MARCHF1: variants seen among roughly 807,000 people sequenced by gnomAD.
MARCHF1 encodes E3 ubiquitin-protein ligase MARCHF1.
Under a neutral mutation model 54.2 loss-of-function variants are expected in MARCHF1, and 40 were observed. The ratio of observed to expected loss-of-function variants is 0.74; its 90% CI spans 0.57 to 0.96. The LOEUF (loss-of-function observed/expected upper bound fraction) is 0.96, where lower values mean the gene tolerates loss of function less well. MARCHF1 is among the 40% of genes least tolerant of loss of function. MARCHF1 has a pLI of 0.00. For synonymous variants in MARCHF1, 236 were observed against 236.3 expected, an observed-to-expected ratio of 1.00 and a Z score of 0.01; for missense variants, 586 against 656.5, an observed-to-expected ratio of 0.89 and a Z score of 1.17.
intron 8 of MARCHF1, among the ~76,000 whole-genome samples, chr4:163,550,625 G>T (rs1235860667): frequency 4.0e-5 from 6 of 151,754 alleles, no homozygotes. Context: ...TACTGGCTCT[G>T]CCTGTCATAT....
intron 2 of MARCHF1, among the ~76,000 whole-genome samples, chr4:164,077,200 G>T (rs2111105021): frequency 6.6e-6 from 1 of 152,252 alleles, no homozygotes; most frequent in African/African-American, 2.4e-5. Context: ...CAATGGAACA[G>T]AACAGAGTCT....
At chr4:164,249,982 G>A (rs1468177960) in intron 1 of MARCHF1, among the ~76,000 whole-genome samples, 2 of 152,072 alleles carry the variant, frequency 1.3e-5, no homozygotes, top group African/African-American at 2.4e-5. Context: ...CATATTACTG[G>A]TTTTATCCTA....
At chr4:163,548,108 C>T (rs1738972458) in intron 8 of MARCHF1, among the ~76,000 whole-genome samples, 1 of 151,942 alleles carries the variant, frequency 6.6e-6, no homozygotes. Flanking sequence ...TTTAAAAATC[C>T]TGTTTTGGCT....
At chr4:164,178,618 G>A (rs1343057574) in intron 1 of MARCHF1, among the ~76,000 whole-genome samples, 1 of 152,148 alleles carries the variant, frequency 6.6e-6, no homozygotes, top group African/African-American at 2.4e-5. Flanking sequence ...AAATCACTGA[G>A]TACTGATGGT....
intron 4 of MARCHF1, among the ~76,000 whole-genome samples, chr4:163,779,193 C>A (rs1217837943): frequency 6.6e-6 from 1 of 152,114 alleles, no homozygotes; most frequent in Admixed American, 6.5e-5. Context: ...TAAAATCTCT[C>A]CTTCTGTCTT....
At chr4:163,645,653 T>A (rs901008878) in intron 5 of MARCHF1, among the ~76,000 whole-genome samples, 2 of 152,014 alleles carry the variant, frequency 1.3e-5, no homozygotes, top group African/African-American at 4.8e-5. Context: ...CAATGAGAAG[T>A]TTAATAAAGA....
At chr4:163,822,196 T>C (rs903209294) in intron 4 of MARCHF1, among the ~76,000 whole-genome samples, 1 of 152,050 alleles carries the variant, frequency 6.6e-6, no homozygotes, top group Admixed American at 6.6e-5. Context: ...AAGGTTTGTA[T>C]ACTTTTTTTT....
intron 1 of MARCHF1, among the ~76,000 whole-genome samples, chr4:164,198,466 G>A (rs866324939): frequency 3.9e-5 from 6 of 152,334 alleles, no homozygotes; most frequent in African/African-American, 1.4e-4. Context: ...TATTTCTAGT[G>A]TGAATTAGTT....
intron 2 of MARCHF1, among the ~76,000 whole-genome samples, chr4:164,099,154 G>A (rs1033081527): frequency 6.6e-6 from 1 of 152,138 alleles, no homozygotes; most frequent in Non-Finnish European, 1.5e-5. Context: ...CAAACAGTCT[G>A]ACTTGTATGG....
At chr4:163,776,387 A>T (rs1747306487) in intron 4 of MARCHF1, among the ~76,000 whole-genome samples, 1 of 150,976 alleles carries the variant, frequency 6.6e-6, no homozygotes, top group African/African-American at 2.4e-5. Flanking sequence ...TATAAATAAT[A>T]AATAATATAC....
At chr4:163,695,399 T>C (rs1561024062) in intron 5 of MARCHF1, among the ~76,000 whole-genome samples, 1 of 152,194 alleles carries the variant, frequency 6.6e-6, no homozygotes, top group African/African-American at 2.4e-5. Flanking sequence ...TTGAGTAAAT[T>C]GTACTGAAAT....
intron 1 of MARCHF1, among the ~76,000 whole-genome samples, chr4:164,282,739 A>T (rs1734057297): frequency 6.6e-6 from 1 of 151,280 alleles, no homozygotes; most frequent in African/African-American, 2.4e-5. Flanking sequence ...AGACCAGAAC[A>T]TCTGTATCCA....
intron 1 of MARCHF1, among the ~76,000 whole-genome samples, chr4:164,247,229 T>C (rs1293894949): frequency 9.5e-6 from 1 of 104,960 alleles, no homozygotes; most frequent in Non-Finnish European, 1.9e-5. Flanking sequence ...AATGATAGAC[T>C]GGATTAAGAA....
rs80011692 is a variant in MARCHF1, at chr4:163,793,205, T to C, written c.111+60816A>G. Among the ~76,000 whole-genome samples the C allele has an allele frequency of 3.6e-3, 541 of 152,320 alleles. 3 individuals are homozygous for C. The highest frequency in any genetic ancestry group is 0.012 in the African/African-American group (512 of 41,574). ...TGTCATCTCACTCTAGAGATGCAAG[T>C]TGCCACGGCAATGCAAATATCATCC... On this transcript the variant is annotated intron_variant, in intron 4 of 9. Transcript: ENST00000514618.
At chr4:163,560,094 T>A (rs549834891) in intron 8 of MARCHF1, among the ~76,000 whole-genome samples, 145 of 152,356 alleles carry the variant, frequency 9.5e-4, no homozygotes, top group African/African-American at 3.2e-3. Context: ...ATTTAATACA[T>A]CAATTTGTTC....
At chr4:164,226,420 T>G (rs1732255116) in intron 1 of MARCHF1, among the ~76,000 whole-genome samples, 1 of 150,946 alleles carries the variant, frequency 6.6e-6, no homozygotes, top group Non-Finnish European at 1.5e-5. Flanking sequence ...GATTGGGGAG[T>G]AGACCAAAGA....
rs566317527 is a variant in MARCHF1, at chr4:163,615,582, T to C, written c.163-2189A>G. On this transcript the variant is annotated intron_variant, in intron 5 of 9. Coordinates refer to ENST00000514618, the MANE Select transcript of MARCHF1 (RefSeq NM_001394959.1). ...AGTAATGAAAGAAATTGAAGAGGAATAAAAAAAAATGAAAAGATTCTGTGC... is the reference window on the plus strand; with the variant it reads ...AGTAATGAAAGAAATTGAAGAGGAACAAAAAAAAATGAAAAGATTCTGTGC... 1.0e-3 allele frequency among the ~76,000 whole-genome samples: 155 copies of C among 151,214 alleles called. 3 individuals are homozygous for C. In the South Asian group the frequency reaches 0.031, roughly 30 times the overall value.
chr4:164,195,493 C>T (rs186951814), intron 1 of MARCHF1, among the ~76,000 whole-genome samples: 2 of 152,198 alleles, frequency 1.3e-5, no homozygotes, highest in Admixed American at 6.5e-5. Flanking sequence ...TTTATCCCCA[C>T]AATTTCTCAG....
chr4:163,790,450 A>G (rs1044515890), intron 4 of MARCHF1, among the ~76,000 whole-genome samples: 1 of 152,080 alleles, frequency 6.6e-6, no homozygotes, highest in Admixed American at 6.6e-5. Flanking sequence ...GCAGATTTTC[A>G]TAGGGTCTCA....
Sources: allele counts gnomAD v4.1 joint callset (sites outside exome capture counted in the v4.1 genomes callset), GRCh38; gene constraint gnomAD v4.1.1; transcripts MANE v1.5; gene names NCBI Gene and HGNC (gene_info 2026-07-23, HGNC 2026-07-21).